Variants in GIT2 observed in about 807,000 individuals in gnomAD.
GIT2 encodes ARF GTPase-activating protein GIT2.
In GIT2, 32 loss-of-function variants were observed where a neutral mutation model predicts 100.3. The ratio of observed to expected loss-of-function variants is 0.32; its 90% confidence interval spans 0.24 to 0.43. The LOEUF (loss-of-function observed/expected upper bound fraction) is 0.43, where lower values mean the gene tolerates loss of function less well. Ranked by LOEUF, GIT2 falls within the 20% of genes least tolerant of loss-of-function variation. The pLI is 1.00. For synonymous variants in GIT2, 353 were observed against 364.1 expected, an observed-to-expected ratio of 0.97 and a Z score of 0.35; for missense variants, 737 against 975.1, an observed-to-expected ratio of 0.76 and a Z score of 3.25.
intron 18 of GIT2, among the ~76,000 whole-genome samples, chr12:109,935,478 T>C (rs1231050149): frequency 6.6e-6 from 1 of 152,176 alleles, no homozygotes; most frequent in South Asian, 2.1e-4. Context: ...CTCCGCCTCC[T>C]GGCTTCTCCG....
At chr12:109,958,489 C>T (rs779595275) in intron 12 of GIT2, among the ~76,000 whole-genome samples, 2 of 151,984 alleles carry the variant, frequency 1.3e-5, no homozygotes, top group Admixed American at 1.3e-4. Flanking sequence ...ATGATCTGTC[C>T]GCCTCAGCCT....
intron 6 of GIT2, 33 bp downstream of exon 6, chr12:109,983,340 C>A: frequency 6.2e-7 from 1 of 1,601,080 alleles, no homozygotes; most frequent in South Asian, 1.1e-5. Context: ...AAAAAAATCC[C>A]AGAGAGAAGT....
chr12:109,983,159 G>C (rs1886663129), intron 6 of GIT2: 2 of 491,084 alleles, frequency 4.1e-6, no homozygotes, highest in South Asian at 5.7e-5. Context: ...TCAAGTAAAA[G>C]ACTGGAAGCT....
chr12:109,933,504 G>C lies in GIT2; in HGVS notation c.2068-314C>G. 1.8e-5 allele frequency: 5 copies of C among 283,692 alleles called. No individual in the cohort carries two copies. The South Asian group carries it at 3.6e-4, about 20-fold the overall frequency. The allele number at this position is 283,692 out of a possible 1,614,324, so 17.6% of individuals were successfully genotyped here. On this transcript the variant is annotated intron_variant, in intron 19 of 19. Coordinates refer to ENST00000355312, the MANE Select transcript of GIT2 (RefSeq NM_057169.5). The surrounding 1 kb of genome is among the most constrained non-coding windows in gnomAD (Gnocchi z 4.5). ...CAGAAAATCCTATAAATTTTAAAAT[G>C]TGCCTTTTAGCACGACTTGTATATC...
upstream of GIT2, chr12:109,999,472 G>A (rs1271529950): frequency 7.8e-6 from 2 of 257,544 alleles, no homozygotes; most frequent in Non-Finnish European, 1.5e-5. The surrounding 1 kb of genome is among the most constrained non-coding windows in gnomAD (Gnocchi z 4.3). Flanking sequence ...GGAACGCCGC[G>A]GGGCGCGGGG....
At chr12:109,937,147 T>G (rs1259525335) in intron 18 of GIT2, among the ~76,000 whole-genome samples, 1 of 152,174 alleles carries the variant, frequency 6.6e-6, no homozygotes, top group African/African-American at 2.4e-5. Context: ...GAAGACTAAC[T>G]CTTATCTTTC....
At chr12:109,966,285 C>CG (rs75075137) in intron 8 of GIT2, among the ~76,000 whole-genome samples, 148,892 of 148,904 alleles carry the variant, frequency 1, 74,441 homozygotes, top group Middle Eastern at 1. Context: ...TGAGCCACTG[C>CG]CCTGGCGAGG....
rs148778241 is a variant in GIT2 at position 109,994,933 on chromosome 12, A to T, written c.52+1240T>A. Among the ~76,000 whole-genome samples, 5 of 152,336 alleles carry T rather than the reference A, an allele frequency of 3.3e-5. No individual in the cohort carries two copies. In the South Asian group the frequency reaches 8.3e-4, roughly 25 times the overall value. On this transcript the variant is annotated intron_variant, in intron 1 of 19. Transcript: ENST00000355312. ...CTCCATACCCCCTCCCTATCTTCAA[A>T]GGAAACTGGTAACACCTGCACTGTA...
intron 4 of GIT2, chr12:109,983,905 C>G: frequency 1.9e-6 from 1 of 512,916 alleles, no homozygotes; most frequent in South Asian, 2.3e-5. Flanking sequence ...GATAAGGAAA[C>G]TAGGGCTGTG....
At chr12:109,949,042 G>C in intron 14 of GIT2, 1 of 578,316 alleles carries the variant, frequency 1.7e-6, no homozygotes, top group Non-Finnish European at 3.0e-6. Context: ...CACTCATTCT[G>C]TTTCTCTGAA....
chr12:109,947,540 T>C lies in GIT2; in HGVS notation c.1393-36A>G. 6.3e-7 allele frequency: 1 copy of C among 1,594,562 alleles called. No homozygotes were observed. The highest frequency in any genetic ancestry group is 2.2e-5 in the East Asian group (1 of 44,600). ...TGTTTGGCAGTGGGACTGTGTTTTT[T>C]TACAGCAAGCAGAAAAAGCAAACAC... On this transcript the variant is annotated intron_variant, in intron 14 of 19. Coordinates refer to ENST00000355312, the MANE Select transcript of GIT2 (RefSeq NM_057169.5). This position sits in a 1 kb window ranked among gnomAD's most constrained non-coding sequence, Gnocchi z 4.3.
At position 109,948,738 on chromosome 12, in the gene GIT2, C is replaced by G; in HGVS notation, c.1393-1234G>C. 1 of 1,544,686 alleles carries G rather than the reference C, an allele frequency of 6.5e-7. No individual in the cohort carries two copies. Among genetic ancestry groups the G allele is most frequent in the African/African-American group, 1.4e-5 (1 of 72,254 alleles). On this transcript the variant is annotated intron_variant, in intron 14 of 19. Transcript: ENST00000355312. This position sits in a 1 kb window ranked among gnomAD's most constrained non-coding sequence, Gnocchi z 4.3. Reference sequence around the variant, plus strand: ...ATCATTACTTTTTCAGTAGCAAACCCATTCAATGTTAGGAGTTACTTTCAA... The same window carrying G: ...ATCATTACTTTTTCAGTAGCAAACCGATTCAATGTTAGGAGTTACTTTCAA...
At chr12:109,938,708 C>T in intron 17 of GIT2, 140 bp from the exon 18 acceptor site, 2 of 599,952 alleles carry the variant, frequency 3.3e-6, no homozygotes, top group East Asian at 2.9e-5. Flanking sequence ...TAGCAGGAGA[C>T]TCATGGTAAG....
In GIT2 at chr12:109,989,019, C is replaced by T. The variant is rs371458058; in HGVS notation, c.349G>A (p.Val117Ile). ...TCATCCCGGCAGGGCAAGCGATGGA[C>T]GAACGCTAACATCTGATACTTGGCT... ...IRAKYQMLAF[V>I]HRLPCRDDDS... The change falls in exon 4 of 20, where the codon GTC becomes ATC. Residue 117 changes from valine (V) to isoleucine (I), a missense_variant. Val to Ile is a conservative substitution (Grantham distance 29). Coordinates refer to ENST00000355312, the MANE Select transcript of GIT2 (RefSeq NM_057169.5). 5.0e-6 allele frequency: 8 copies of T among 1,613,090 alleles called. No homozygotes were observed. Among genetic ancestry groups the T allele is most frequent in the Non-Finnish European group, 6.8e-6 (8 of 1,179,268 alleles).
chr12:109,971,049 G>A (rs1251247756), intron 7 of GIT2, among the ~76,000 whole-genome samples: 1 of 152,226 alleles, frequency 6.6e-6, no homozygotes, highest in African/African-American at 2.4e-5. Flanking sequence ...GCCTCCCAAA[G>A]TGCTGGGATT....
At chr12:109,940,917 GA>G (rs369131328) in intron 16 of GIT2, among the ~76,000 whole-genome samples, 17,989 of 112,856 alleles carry the variant, frequency 0.16, 1,208 homozygotes, top group African/African-American at 0.2. Flanking sequence ...AAACCAAAAA[GA>G]AAAAAAAAAA....
rs1014959160 is a variant in GIT2 at position 109,947,176 on chromosome 12, G to A, written c.1641+80C>T. 4.4e-6 allele frequency: 6 copies of A among 1,378,776 alleles called. No individual in the cohort carries two copies. The South Asian group carries it at 6.7e-5, about 15-fold the overall frequency. 85.4% of individuals were successfully genotyped at this position (1,378,776 alleles called of 1,614,324 possible). On this transcript the variant is annotated intron_variant, in intron 15 of 19. Transcript: ENST00000355312. This position sits in a 1 kb window ranked among gnomAD's most constrained non-coding sequence, Gnocchi z 4.3. ...CCAATTTGGCAAAGCAGAGCTGTGG[G>A]GACCTGTAGGTTCAGAAGAGGGAAC...
At chr12:109,999,829 G>A (rs1299385525), upstream of GIT2, 21 of 1,474,508 alleles carry the variant, frequency 1.4e-5, no homozygotes, top group Non-Finnish European at 1.8e-5. The surrounding 1 kb of genome is among the most constrained non-coding windows in gnomAD (Gnocchi z 4.3). Context: ...GGACTTCGGG[G>A]AATCGGGGGT....
chr12:109,932,953 CAGA>C lies in GIT2; in HGVS notation c.*22_*24del, dbSNP rs1484419152. ...ATTGGACTTTATAAAGCCTAGAAAA[CAGA>C]GGAGGCGGTGCCCTGCCCTTGTCAG... On this transcript the variant is annotated 3_prime_UTR_variant, in exon 20 of 20. Coordinates refer to ENST00000355312, the MANE Select transcript of GIT2 (RefSeq NM_057169.5). The C allele has an allele frequency of 2.2e-6, 3 of 1,338,862 alleles. No homozygotes were observed. The highest frequency in any genetic ancestry group is 2.3e-5 in the East Asian group (1 of 43,536). 82.9% of individuals were successfully genotyped at this position (1,338,862 alleles called of 1,614,324 possible).
Sources: allele counts gnomAD v4.1 joint callset (sites outside exome capture counted in the v4.1 genomes callset), GRCh38; gene constraint gnomAD v4.1.1; non-coding constraint Gnocchi (gnomAD v3.1); transcripts MANE v1.5; gene names NCBI Gene and HGNC (gene_info 2026-07-23, HGNC 2026-07-21).